Variants in FNDC1 observed in about 807,000 individuals in gnomAD.
The protein encoded by FNDC1 is fibronectin type III domain-containing protein 1.
A neutral mutation model predicts 168.0 loss-of-function variants in FNDC1; 96 were observed. That is an observed-to-expected ratio of 0.57 (90% CI 0.48 to 0.68). FNDC1 has a LOEUF of 0.68. Among genes scored for constraint, FNDC1 ranks in the 30% least tolerant of loss-of-function variants. The probability of loss-of-function intolerance (pLI) is 0.00; values close to 1 mark genes in which losing one functional copy is unlikely to be tolerated. For synonymous variants in FNDC1, 1,099 were observed against 1,025.9 expected (o/e 1.07, Z -1.36); for missense variants, 2,587 against 2,482.1 (o/e 1.04, Z -0.90).
At chr6:159,198,758 A>G (rs1193444397) in intron 2 of FNDC1, among the ~76,000 whole-genome samples, 2 of 152,378 alleles carry the variant, frequency 1.3e-5, no homozygotes, top group Middle Eastern at 3.4e-3. Flanking sequence ...AGTTAACTGT[A>G]TGGGTATCAA....
intron 18 of FNDC1, among the ~76,000 whole-genome samples, chr6:159,259,576 C>T (rs1223659776): frequency 6.6e-6 from 1 of 152,146 alleles, no homozygotes; most frequent in African/African-American, 2.4e-5. Flanking sequence ...TGCATCCTTC[C>T]TTATGTTTTA....
At chr6:159,264,699 G>A (rs756482996) in intron 19 of FNDC1, among the ~76,000 whole-genome samples, 1 of 152,186 alleles carries the variant, frequency 6.6e-6, no homozygotes, top group African/African-American at 2.4e-5. Context: ...TTTTTTAAAT[G>A]AGTACTGAAT....
At chr6:159,238,469 T>A in intron 12 of FNDC1, 85 bp from the exon 13 acceptor site, 1 of 815,710 alleles carries the variant, frequency 1.2e-6, no homozygotes, top group Non-Finnish European at 1.9e-6. Context: ...CTGTGGAAGC[T>A]TCAGGGGTAT....
intron 5 of FNDC1, 142 bp downstream of exon 5, chr6:159,215,293 G>A: frequency 3.7e-6 from 3 of 819,100 alleles, no homozygotes; most frequent in Non-Finnish European, 5.8e-6. Context: ...AATCTCTACT[G>A]TTTCTTCCAT....
chr6:159,188,339 G>A (rs567261681), intron 1 of FNDC1, among the ~76,000 whole-genome samples: 16 of 150,074 alleles, frequency 1.1e-4, no homozygotes, highest in Non-Finnish European at 2.1e-4. Context: ...AATGGCAGTC[G>A]TACCAGGTGG....
chr6:159,214,269 A>T (rs1308470713), intron 4 of FNDC1, among the ~76,000 whole-genome samples: 1 of 152,258 alleles, frequency 6.6e-6, no homozygotes, highest in Non-Finnish European at 1.5e-5. Flanking sequence ...ATTGATCACC[A>T]GAATACACTG....
At chr6:159,252,406 CT>C (rs1777287006) in intron 17 of FNDC1, among the ~76,000 whole-genome samples, 1 of 152,136 alleles carries the variant, frequency 6.6e-6, no homozygotes, top group African/African-American at 2.4e-5. Flanking sequence ...ACTATTATAT[CT>C]TACAATGAAA....
At chr6:159,220,072 G>C (rs1782788629) in intron 5 of FNDC1, among the ~76,000 whole-genome samples, 1 of 152,186 alleles carries the variant, frequency 6.6e-6, no homozygotes, top group Admixed American at 6.5e-5. Flanking sequence ...TGAGTGCCGA[G>C]TGCCTCCGTA....
rs189002987 is a variant in FNDC1, at chr6:159,192,584, T to G, written c.110-4847T>G. 8.9e-4 allele frequency among the ~76,000 whole-genome samples: 135 copies of G among 152,310 alleles called. No homozygotes were observed. The Middle Eastern group carries it at 0.017, about 19-fold the overall frequency. On this transcript the variant is annotated intron_variant, in intron 1 of 22. Coordinates refer to ENST00000297267, the MANE Select transcript of FNDC1 (RefSeq NM_032532.3). ...AATTCAGGTGCTTGGACAGGTGGTG[T>G]TGTCTGAACCAAGATTTTGAATAAT... is the stretch of plus-strand genomic sequence containing the variant.
At chr6:159,236,994 A>G (rs1783274729) in intron 12 of FNDC1, among the ~76,000 whole-genome samples, 1 of 152,206 alleles carries the variant, frequency 6.6e-6, no homozygotes, top group Non-Finnish European at 1.5e-5. Context: ...AAAATTATTT[A>G]TACTGTAATT....
At chr6:159,207,344 G>T (rs538092568) in intron 4 of FNDC1, among the ~76,000 whole-genome samples, 1 of 152,296 alleles carries the variant, frequency 6.6e-6, no homozygotes, top group Non-Finnish European at 1.5e-5. Flanking sequence ...GTGGGAGATG[G>T]GTGGTCCCTG....
intron 5 of FNDC1, among the ~76,000 whole-genome samples, chr6:159,217,040 G>T (rs1361461766): frequency 6.6e-6 from 1 of 152,144 alleles, no homozygotes; most frequent in Non-Finnish European, 1.5e-5. Context: ...GAGCGGTGGG[G>T]AAGGTGCGTG....
At chr6:159,180,265 T>C (rs1190755235) in intron 1 of FNDC1, among the ~76,000 whole-genome samples, 1 of 152,168 alleles carries the variant, frequency 6.6e-6, no homozygotes, top group Admixed American at 6.5e-5. Context: ...GCATTCTCCC[T>C]GCGTCTTCTC....
At chr6:159,213,757 G>A (rs1351614159) in intron 4 of FNDC1, among the ~76,000 whole-genome samples, 1 of 151,810 alleles carries the variant, frequency 6.6e-6, no homozygotes, top group African/African-American at 2.4e-5. Flanking sequence ...GAAAGTATTT[G>A]TTGAACATAC....
At chr6:159,220,096 C>A (rs1400232636) in intron 5 of FNDC1, among the ~76,000 whole-genome samples, 1 of 152,170 alleles carries the variant, frequency 6.6e-6, no homozygotes, top group African/African-American at 2.4e-5. Context: ...ATAATTTACT[C>A]ATTTATGGCT....
chr6:159,267,972 C>T (rs560889), intron 22 of FNDC1, 46 bp downstream of exon 22: 2 of 1,575,652 alleles, frequency 1.3e-6, no homozygotes, highest in East Asian at 4.6e-5. Context: ...AGGTGGGAGA[C>T]AAGGATTAAT....
chr6:159,207,114 A>C (rs1782501932), intron 4 of FNDC1, among the ~76,000 whole-genome samples: 1 of 152,176 alleles, frequency 6.6e-6, no homozygotes. Flanking sequence ...CCCCCACCCC[A>C]GCAGAAATGC....
intron 1 of FNDC1, among the ~76,000 whole-genome samples, chr6:159,173,873 C>G (rs921761716): frequency 6.6e-6 from 1 of 152,098 alleles, no homozygotes. Flanking sequence ...CCTTGGTTCT[C>G]GGGATTAGGA....
At chr6:159,181,208 T>C (rs1380965983) in intron 1 of FNDC1, among the ~76,000 whole-genome samples, 1 of 152,246 alleles carries the variant, frequency 6.6e-6, no homozygotes, top group Non-Finnish European at 1.5e-5. Context: ...ATTGTGGTTT[T>C]GACTTGCATT....
Sources: allele counts gnomAD v4.1 joint callset (sites outside exome capture counted in the v4.1 genomes callset), GRCh38; gene constraint gnomAD v4.1.1; transcripts MANE v1.5; gene names NCBI Gene and HGNC (gene_info 2026-07-23, HGNC 2026-07-21).